Variants in XRN1 observed in about 807,000 individuals in gnomAD.
XRN1 encodes the protein 5'-3' exoribonuclease 1.
In XRN1, 67 loss-of-function variants were observed where a neutral mutation model predicts 222.3. The ratio of observed to expected loss-of-function variants is 0.30; its 90% CI spans 0.25 to 0.37. The LOEUF is 0.37. Among genes scored for constraint, XRN1 ranks in the 10% least tolerant of loss-of-function variants. The pLI is 1.00. For missense variants in XRN1, 1,707 were observed against 2,000.2 expected, an observed-to-expected ratio of 0.85 and a Z score of 2.80; for synonymous variants, 643 against 652.4, an observed-to-expected ratio of 0.99 and a Z score of 0.22.
At chr3:142,393,610 A>C (rs1020034249) in intron 20 of XRN1, among the ~76,000 whole-genome samples, 3 of 151,976 alleles carry the variant, frequency 2.0e-5, no homozygotes, top group African/African-American at 7.3e-5. Flanking sequence ...TGTTTTTCTC[A>C]GGTTTGTCAA....
chr3:142,428,859 G>A (rs79469139), intron 2 of XRN1, among the ~76,000 whole-genome samples: 5,690 of 152,178 alleles, frequency 0.037, 365 homozygotes, highest in African/African-American at 0.13. Flanking sequence ...AGGAGAAAGC[G>A]ATCCACCAGA....
chr3:142,386,122 C>T (rs905603312), intron 20 of XRN1, among the ~76,000 whole-genome samples: 1 of 151,932 alleles, frequency 6.6e-6, no homozygotes, highest in Non-Finnish European at 1.5e-5. Context: ...TTTTGAAACA[C>T]ACCATTTTCT....
At chr3:142,444,957 A>G (rs1426541275) in intron 1 of XRN1, among the ~76,000 whole-genome samples, 1 of 152,250 alleles carries the variant, frequency 6.6e-6, no homozygotes, top group Non-Finnish European at 1.5e-5. Context: ...TATATGCTAT[A>G]GCTAATAAAT....
chr3:142,431,954 TTA>T lies in XRN1; in HGVS notation c.308+705_308+706del, dbSNP rs1289865629. Among the ~76,000 whole-genome samples, 8 of 91,334 alleles carry T rather than the reference TTA, an allele frequency of 8.8e-5. No homozygotes were observed. In the East Asian group the frequency reaches 1.1e-3, roughly 12 times the overall value. The allele number at this position is 91,334 out of a possible 152,430, so 59.9% of individuals were successfully genotyped here. A position where few individuals can be genotyped will look rare whatever the true frequency, so the allele number is the denominator to read the frequency against. On this transcript the variant is annotated intron_variant, in intron 2 of 40. Transcript: ENST00000392981. Reference sequence around the variant, plus strand: ...TATATTGTATATATTATATAATATATTATATATAATATAATATATTGTATATA... The same window carrying T: ...TATATTGTATATATTATATAATATATTATATAATATAATATATTGTATATA...
chr3:142,401,125 C>G (rs1333548150), intron 18 of XRN1, among the ~76,000 whole-genome samples: 2 of 152,152 alleles, frequency 1.3e-5, no homozygotes, highest in African/African-American at 4.8e-5. Context: ...AAAACAGGAT[C>G]TAAGAAATAC....
intron 13 of XRN1, among the ~76,000 whole-genome samples, chr3:142,416,662 G>C (rs539968539): frequency 6.6e-6 from 1 of 152,146 alleles, no homozygotes; most frequent in Non-Finnish European, 1.5e-5. Flanking sequence ...CTCTTATTAT[G>C]AGCCTTCTGT....
At chr3:142,414,097 T>A (rs1201275661) in intron 14 of XRN1, 38 bp downstream of exon 14, 2 of 1,523,908 alleles carry the variant, frequency 1.3e-6, no homozygotes, top group Admixed American at 4.1e-5. Flanking sequence ...CTTCTAAATA[T>A]CAAAAAGGAC....
intron 18 of XRN1, among the ~76,000 whole-genome samples, chr3:142,402,643 CTTATACATCTTGTGGAA>C (rs1417179237): frequency 3.3e-5 from 5 of 152,144 alleles, no homozygotes; most frequent in African/African-American, 1.2e-4. Flanking sequence ...GGCATTAGGG[CTTATACATCTTGTGGAA>C]TACTGGTTAA....
chr3:142,440,766 C>T (rs371537392), intron 1 of XRN1, among the ~76,000 whole-genome samples: 12 of 151,052 alleles, frequency 7.9e-5, no homozygotes, highest in East Asian at 1.9e-4. Context: ...GGAAGCAGAG[C>T]GGTTTACAGT....
At chr3:142,417,109 C>G (rs1559865606) in intron 13 of XRN1, 31 bp downstream of exon 13, 1 of 1,532,040 alleles carries the variant, frequency 6.5e-7, no homozygotes, top group Non-Finnish European at 8.9e-7. Flanking sequence ...TATAAAAAGA[C>G]AAAACTTTAT....
At chr3:142,346,260 C>T (rs1023934926) in intron 33 of XRN1, among the ~76,000 whole-genome samples, 5 of 152,100 alleles carry the variant, frequency 3.3e-5, no homozygotes, top group African/African-American at 1.2e-4. Flanking sequence ...TTCCAAGACC[C>T]TCCTGTGGCT....
In XRN1 at chr3:142,380,070, T is replaced by G; in HGVS notation, c.2715+12A>C. 1 of 1,604,468 alleles carries G rather than the reference T, an allele frequency of 6.2e-7. No individual in the cohort carries two copies. On this transcript the variant is annotated intron_variant, in intron 23 of 40. Transcript: ENST00000392981. ...CAATTCTAAATGAAACAATACAAACTACTGTACTCACATGCTGGTTCTGTA... is the reference window on the plus strand; with the variant it reads ...CAATTCTAAATGAAACAATACAAACGACTGTACTCACATGCTGGTTCTGTA...
chr3:142,366,430 T>C (rs1353431471), intron 27 of XRN1, among the ~76,000 whole-genome samples: 1 of 152,234 alleles, frequency 6.6e-6, no homozygotes, highest in African/African-American at 2.4e-5. Context: ...AGGCATTTCA[T>C]TTATTCTTTC....
At chr3:142,411,509 C>A (rs1280185821) in intron 15 of XRN1, among the ~76,000 whole-genome samples, 1 of 152,014 alleles carries the variant, frequency 6.6e-6, no homozygotes, top group Non-Finnish European at 1.5e-5. Flanking sequence ...ATCATACTGA[C>A]CATGGATCCC....
chr3:142,408,517 T>C (rs991723079), intron 15 of XRN1, among the ~76,000 whole-genome samples: 6 of 152,220 alleles, frequency 3.9e-5, no homozygotes, highest in Admixed American at 1.3e-4. Flanking sequence ...CGGCATCAGA[T>C]TGATGCTCAA....
At chr3:142,356,521 T>C (rs2066470010) in intron 31 of XRN1, among the ~76,000 whole-genome samples, 2 of 152,156 alleles carry the variant, frequency 1.3e-5, no homozygotes, top group Admixed American at 1.3e-4. Context: ...AACTTGAAAA[T>C]TGCTTTTGAT....
chr3:142,336,252 G>A (rs2065848761), intron 33 of XRN1, among the ~76,000 whole-genome samples: 2 of 152,064 alleles, frequency 1.3e-5, no homozygotes, highest in Admixed American at 6.6e-5. Flanking sequence ...GCATGAGGTA[G>A]ATATGAAGAA....
At chr3:142,374,183 G>A (rs1285539881) in intron 25 of XRN1, among the ~76,000 whole-genome samples, 2 of 152,124 alleles carry the variant, frequency 1.3e-5, no homozygotes, top group Admixed American at 6.5e-5. Context: ...ATGAAAGTCA[G>A]AAAAGGAAGG....
chr3:142,385,080 A>G (rs73867038), intron 20 of XRN1, among the ~76,000 whole-genome samples: 100 of 152,342 alleles, frequency 6.6e-4, no homozygotes, highest in African/African-American at 2.4e-3. Context: ...GTTCCTCAAA[A>G]AGCAACATAT....
Sources: allele counts gnomAD v4.1 joint callset (sites outside exome capture counted in the v4.1 genomes callset), GRCh38; gene constraint gnomAD v4.1.1; transcripts MANE v1.5; gene names NCBI Gene and HGNC (gene_info 2026-07-23, HGNC 2026-07-21).